ABCB11: variants seen among roughly 807,000 people sequenced by gnomAD.
ABCB11 encodes ATP binding cassette subfamily B member 11, also known as bile salt export pump.
Under a neutral mutation model 148.0 loss-of-function variants are expected in ABCB11, and 95 were observed. That is an observed-to-expected ratio of 0.64 (90% CI 0.54 to 0.76). ABCB11 has a LOEUF of 0.76. Among genes scored for constraint, ABCB11 ranks in the 30% least tolerant of loss-of-function variants. The probability of loss-of-function intolerance (pLI) is 0.00; values close to 1 mark genes in which losing one functional copy is unlikely to be tolerated. For missense variants in ABCB11, 1,523 were observed against 1,617.8 expected (o/e 0.94, Z 1.01); for synonymous variants, 591 against 555.4 (o/e 1.06, Z -0.90).
intron 21 of ABCB11, among the ~76,000 whole-genome samples, chr2:168,939,895 G>A (rs1461269257): frequency 6.6e-6 from 1 of 151,886 alleles, no homozygotes; most frequent in Admixed American, 6.6e-5. Context: ...ATCTGTTATG[G>A]TGATCTGTGA....
chr2:168,991,468 C>T (rs910034228), intron 8 of ABCB11, among the ~76,000 whole-genome samples: 1 of 152,016 alleles, frequency 6.6e-6, no homozygotes, highest in African/African-American at 2.4e-5. Flanking sequence ...AATGAAAAGA[C>T]ATCTGTACTT....
intron 5 of ABCB11, among the ~76,000 whole-genome samples, chr2:169,012,669 G>C (rs938222647): frequency 6.6e-6 from 1 of 151,076 alleles, no homozygotes; most frequent in African/African-American, 2.4e-5. Context: ...GAACCCAAGA[G>C]GCAGAGGCTG....
chr2:168,991,347 T>C (rs775892702), intron 8 of ABCB11, among the ~76,000 whole-genome samples: 1 of 152,046 alleles, frequency 6.6e-6, no homozygotes, highest in African/African-American at 2.4e-5. Flanking sequence ...ATATAACATA[T>C]AAAGTATAGG....
intron 19 of ABCB11, among the ~76,000 whole-genome samples, chr2:168,945,601 A>G (rs1414353151): frequency 6.8e-6 from 1 of 147,920 alleles, no homozygotes; most frequent in Admixed American, 6.7e-5. Flanking sequence ...ACGGAAGGGA[A>G]GAAGGAAGAA....
At chr2:168,948,918 G>A (rs534801828) in intron 19 of ABCB11, among the ~76,000 whole-genome samples, 4 of 151,770 alleles carry the variant, frequency 2.6e-5, no homozygotes, top group South Asian at 4.1e-4. Flanking sequence ...ACTCATGCTT[G>A]TGGGGTCATT....
intron 19 of ABCB11, among the ~76,000 whole-genome samples, chr2:168,947,196 A>G (rs1203919001): frequency 6.6e-6 from 1 of 151,838 alleles, no homozygotes. Context: ...TAAATTAGGA[A>G]TTATGATTCT....
chr2:168,952,568 C>T (rs1000437925), intron 19 of ABCB11, among the ~76,000 whole-genome samples: 1 of 150,046 alleles, frequency 6.7e-6, no homozygotes, highest in African/African-American at 2.4e-5. Flanking sequence ...ATAATATCTT[C>T]TTTTTCATTT....
chr2:168,940,207 C>T (rs1402115004), intron 21 of ABCB11, among the ~76,000 whole-genome samples: 1 of 151,908 alleles, frequency 6.6e-6, no homozygotes, highest in East Asian at 1.9e-4. Flanking sequence ...GTGTTGAAGG[C>T]TGAGATAGGC....
intron 9 of ABCB11, among the ~76,000 whole-genome samples, chr2:168,990,062 T>G (rs1694461491): frequency 6.6e-6 from 1 of 152,158 alleles, no homozygotes; most frequent in Non-Finnish European, 1.5e-5. Context: ...GATATTGGCC[T>G]TTGATTTTCT....
chr2:168,965,396 A>T (rs1331447898), intron 17 of ABCB11, among the ~76,000 whole-genome samples: 1 of 151,688 alleles, frequency 6.6e-6, no homozygotes, highest in Non-Finnish European at 1.5e-5. Context: ...TTATGTTGAG[A>T]CCTTCAAAAA....
chr2:168,948,753 C>A (rs993634979), intron 19 of ABCB11, among the ~76,000 whole-genome samples: 1 of 151,748 alleles, frequency 6.6e-6, no homozygotes, highest in Non-Finnish European at 1.5e-5. Context: ...TTCAGTTAAT[C>A]AAAGTTGAGT....
At chr2:169,006,923 G>A (rs1042614580) in intron 5 of ABCB11, among the ~76,000 whole-genome samples, 13 of 152,114 alleles carry the variant, frequency 8.5e-5, no homozygotes, top group African/African-American at 1.9e-4. Context: ...AGTGGATCAC[G>A]AATCAGAAGA....
At position 168,958,119 on chromosome 2, in the gene ABCB11, T is replaced by A; in HGVS notation, c.2188A>T (p.Ile730Phe). Residue 730 changes from isoleucine to phenylalanine, a missense_variant, in exon 19 of 28, where the codon ATT becomes TTT. Ile to Phe is a conservative substitution (Grantham distance 21). Transcript: ENST00000650372. ...GGTTCAACTTCTTCCTGCACAGGAA[T>A]GTCCTTGTCCTTGAGCAGAGAGAGG... ...TYEEDRKDKD[I>F]PVQEEVEPAP... 1.2e-6 allele frequency: 2 copies of A among 1,610,770 alleles called. No homozygotes were observed. The highest frequency in any genetic ancestry group is 8.5e-7 in the Non-Finnish European group (1 of 1,177,898).
chr2:168,964,291 C>A lies in ABCB11; in HGVS notation c.2093G>T (p.Arg698Leu). 7 of 1,566,226 alleles carry A rather than the reference C, an allele frequency of 4.5e-6. No individual in the cohort carries two copies. The highest frequency in any genetic ancestry group is 6.1e-6 in the Non-Finnish European group (7 of 1,153,698). ...CAGGTAAGAAAGCTGAGACTTGGAG[C>A]GTTGCCGGATGGAAGCCCTGTAAAT... ...QDSLRASIRQRSKSQLSYLVH... is the reference protein window; with the variant it reads ...QDSLRASIRQLSKSQLSYLVH... The change falls in exon 18 of 28, where the codon CGC becomes CTC. Residue 698 changes from arginine to leucine, a missense_variant. Physicochemically the swap from Arg to Leu is moderately radical, Grantham distance 102 (BLOSUM62 -2). Transcript: ENST00000650372.
intron 10 of ABCB11, among the ~76,000 whole-genome samples, chr2:168,983,275 A>G (rs1694195861): frequency 6.6e-6 from 1 of 152,192 alleles, no homozygotes; most frequent in Non-Finnish European, 1.5e-5. Flanking sequence ...GCAAGTATGT[A>G]TAAGCAGCTA....
intron 11 of ABCB11, among the ~76,000 whole-genome samples, chr2:168,979,479 G>A (rs1207382528): frequency 6.6e-6 from 1 of 151,680 alleles, no homozygotes; most frequent in Non-Finnish European, 1.5e-5. Flanking sequence ...TCTTATCTTT[G>A]AATGTGCATA....
chr2:168,956,150 G>T (rs1267035605), intron 19 of ABCB11, among the ~76,000 whole-genome samples: 1 of 151,784 alleles, frequency 6.6e-6, no homozygotes, highest in Admixed American at 6.6e-5. Context: ...GAGGAAGAGA[G>T]AGCGAAAGGG....
rs1691052791 is a variant in ABCB11, at chr2:168,920,821, T to C, written c.*2801A>G. On this transcript the variant is annotated 3_prime_UTR_variant, in exon 28 of 28. Coordinates refer to ENST00000650372, the MANE Select transcript of ABCB11 (RefSeq NM_003742.4). ...GCAATGTTATTTATTTATTCATTTT[T>C]GAAGTTGTAATCTTCTCCTTTGTCA... 6.6e-6 allele frequency among the ~76,000 whole-genome samples: 1 copy of C among 152,236 alleles called. No individual in the cohort carries two copies. Among genetic ancestry groups the C allele is most frequent in the Non-Finnish European group, 1.5e-5 (1 of 68,042 alleles).
At chr2:169,005,509 C>T (rs1479052746) in intron 5 of ABCB11, among the ~76,000 whole-genome samples, 2 of 152,066 alleles carry the variant, frequency 1.3e-5, no homozygotes, top group African/African-American at 2.4e-5. Context: ...TTAACCTGCT[C>T]CCACTCAGCC....
Sources: gnomAD v4.1 joint callset for allele counts (sites outside exome capture counted in the v4.1 genomes callset) on GRCh38, gnomAD v4.1.1 for gene constraint, MANE v1.5 for transcripts, NCBI Gene and HGNC (gene_info 2026-07-23, HGNC 2026-07-21) for gene names.